FLT4: variants seen among roughly 807,000 people sequenced by gnomAD.
The protein encoded by FLT4 is vascular endothelial growth factor receptor 3.
A neutral mutation model predicts 163.2 loss-of-function variants in FLT4; 30 were observed. The observed-to-expected ratio is 0.18, with a 90% CI of 0.14 to 0.25. The LOEUF is 0.25. Ranked by LOEUF, FLT4 falls within the 10% of genes least tolerant of loss-of-function variation. FLT4 has a pLI of 1.00. For missense variants in FLT4, 1,510 were observed against 1,863.8 expected (o/e 0.81, Z 3.50); for synonymous variants, 884 against 789.5 (o/e 1.12, Z -2.01).
At position 180,626,216 on chromosome 5, in the gene FLT4, C is replaced by A. The variant is rs763552899; in HGVS notation, c.1153G>T (p.Val385Leu). The change falls in exon 9 of 30, where the codon GTG becomes TTG. Residue 385 changes from valine (V) to leucine (L), a missense_variant. Physicochemically the swap from Val to Leu is conservative, Grantham distance 32. Coordinates refer to ENST00000261937, the MANE Select transcript of FLT4 (RefSeq NM_182925.5). Reference protein sequence around the residue: ...LSGRHSPHALVLKEVTEASTG... With the variant: ...LSGRHSPHALLLKEVTEASTG... ...CTGGCCTCTGTCACCTCCTTGAGCA[C>A]CAGGGCATGTGGACTGTGGCGCCCG... The A allele has an allele frequency of 6.2e-7, 1 of 1,612,842 alleles. No individual in the cohort carries two copies. The highest frequency in any genetic ancestry group is 8.5e-7 in the Non-Finnish European group (1 of 1,180,012).
chr5:180,619,185 C>T (rs1762916608), intron 19 of FLT4, 68 bp downstream of exon 19: 20 of 1,301,526 alleles, frequency 1.5e-5, no homozygotes, highest in Non-Finnish European at 1.7e-5. Flanking sequence ...TTTGCACCCG[C>T]GCCCCCTCCC....
rs1289248501 is a variant in FLT4 at position 180,621,405 on chromosome 5, C to T, written c.2020+137G>A. On this transcript the variant is annotated intron_variant, in intron 13 of 29. Transcript: ENST00000261937. The stretch of plus-strand genomic sequence containing the variant: ...CGCGGCGCGCCTCCGCAGGGGGCGG[C>T]GGATAGTCAGGAGGGGTAGCTCCTG... The T allele has an allele frequency of 1.0e-5, 15 of 1,431,832 alleles. No homozygotes were observed. The South Asian group carries it at 1.1e-4, about 10-fold the overall frequency. 88.7% of individuals were successfully genotyped at this position (1,431,832 alleles called of 1,614,324 possible). A position where few individuals can be genotyped will look rare whatever the true frequency, so the allele number is the denominator to read the frequency against.
Position 180,602,522 on chromosome 5 carries a change from G to T in FLT4, c.*670C>A. ...AAGTTCTGTTGAAAAAGACTTGCAG[G>T]ATGGCTCTCAACACCCAGGCGCAGG... is the stretch of plus-strand genomic sequence containing the variant. On this transcript the variant is annotated 3_prime_UTR_variant, in exon 30 of 30. Coordinates refer to ENST00000261937, the MANE Select transcript of FLT4 (RefSeq NM_182925.5). The T allele has an allele frequency of 5.0e-6, 2 of 399,164 alleles. No homozygotes were observed. The highest frequency in any genetic ancestry group is 7.1e-5 in the East Asian group (2 of 28,072). 24.7% of individuals were successfully genotyped at this position (399,164 alleles called of 1,614,324 possible).
At chr5:180,619,163 G>GCGCGCTCCGCGTTTGCACC (rs1762915091) in intron 19 of FLT4, 54 bp from the exon 20 acceptor site, 2 of 1,305,770 alleles carry the variant, frequency 1.5e-6, no homozygotes, top group Non-Finnish European at 2.0e-6. Context: ...CGCGCTGCGG[G>GCGCGCTCCGCGTTTGCACC]CGCGCTCCGC....
At chr5:180,622,884 C>T (rs771489353) in intron 11 of FLT4, 45 bp from the exon 12 acceptor site, 1 of 1,342,370 alleles carries the variant, frequency 7.4e-7, no homozygotes, top group South Asian at 1.2e-5. Flanking sequence ...CCCAAGTTCT[C>T]CCAACCTGGG....
At position 180,620,685 on chromosome 5, in the gene FLT4, A is replaced by C. The variant is rs147312865; in HGVS notation, c.2330T>G (p.Val777Gly). 1 of 1,613,612 alleles carries C rather than the reference A, an allele frequency of 6.2e-7. No individual in the cohort carries two copies. The highest frequency in any genetic ancestry group is 8.5e-7 in the Non-Finnish European group (1 of 1,179,984). Residue 777 changes from valine (V) to glycine (G), a missense_variant, in exon 16 of 30, where the codon GTG becomes GGG. Transcript: ENST00000261937. This position sits in a 1 kb window ranked among gnomAD's most constrained non-coding sequence, Gnocchi z 4.4. ...GATGACGCCGGTACCGACAAGGATC[A>C]CGATCTCCATGCTGCCCTTATCCTC... is the stretch of plus-strand genomic sequence containing the variant. ...GSEDKGSMEIVILVGTGVIAV... is the reference protein window; with the variant it reads ...GSEDKGSMEIGILVGTGVIAV...
rs775792213 is a variant in FLT4 at position 180,621,654 on chromosome 5, G to A, written c.1908C>T (p.Leu636=). The change falls in exon 13 of 30, where the codon CTC becomes CTT. Residue 636 remains leucine (L), a synonymous_variant. Transcript: ENST00000261937. ...GCGCGACGCGGGGGATACTCAGGCT[G>A]AGCGTGGCGTGGCGCGCCCCAGGTG... is the stretch of plus-strand genomic sequence containing the variant. The part of the protein sequence containing the change: ...EVAPGARHAT[L]SLSIPRVAPE... 4.4e-6 allele frequency: 7 copies of A among 1,608,994 alleles called. No homozygotes were observed. In the Admixed American group the frequency reaches 1.2e-4, roughly 27 times the overall value.
chr5:180,628,815 T>A, intron 8 of FLT4, 67 bp downstream of exon 8: 2 of 1,127,504 alleles, frequency 1.8e-6, no homozygotes, highest in Non-Finnish European at 2.7e-6. Context: ...CGTCTTCCCC[T>A]ATGGTCTGTT....
At chr5:180,606,369 A>G (rs887082178) in intron 29 of FLT4, among the ~76,000 whole-genome samples, 1 of 152,100 alleles carries the variant, frequency 6.6e-6, no homozygotes, top group African/African-American at 2.4e-5. Flanking sequence ...TCGCAGCCCC[A>G]TCTCCTCCGT....
Position 180,611,413 on chromosome 5 carries a change from C to A in FLT4, c.3604G>T (p.Val1202Leu). 6.2e-7 allele frequency: 1 copy of A among 1,614,044 alleles called. No individual in the cohort carries two copies. Among genetic ancestry groups the A allele is most frequent in the Non-Finnish European group, 8.5e-7 (1 of 1,179,988 alleles). Residue 1202 changes from valine (V) to leucine (L), a missense_variant, in exon 27 of 30, where the codon GTG becomes TTG. Around this residue, in one of 5 missense-constraint regions of FLT4, gnomAD observed 295 missense variants for 311.0 expected, o/e 0.95. Coordinates refer to ENST00000261937, the MANE Select transcript of FLT4 (RefSeq NM_182925.5). Reference sequence around the variant, plus strand: ...GCGATGTGTAGGGCCATGGTGGACACCTGCGAGAAGCTGCCCTCTTCTGAG... The same window carrying A: ...GCGATGTGTAGGGCCATGGTGGACAACTGCGAGAAGCTGCCCTCTTCTGAG... ...QSSEEGSFSQ[V>L]STMALHIAQA... is the part of the protein sequence containing the mutation.
At position 180,602,257 on chromosome 5, in the gene FLT4, G is replaced by C; in HGVS notation, c.*935C>G. 1 of 246,320 alleles carries C rather than the reference G, an allele frequency of 4.1e-6. No individual in the cohort carries two copies. The highest frequency in any genetic ancestry group is 5.9e-5 in the East Asian group (1 of 17,012). 15.3% of individuals were successfully genotyped at this position (246,320 alleles called of 1,614,324 possible). A position where few individuals can be genotyped will look rare whatever the true frequency, so the allele number is the denominator to read the frequency against. ...ATGAGCTGGTTCACGGCTTGGGAGGGGCCGCAGGTGGCAGATCCGGGCTCT... is the reference window on the plus strand; with the variant it reads ...ATGAGCTGGTTCACGGCTTGGGAGGCGCCGCAGGTGGCAGATCCGGGCTCT... On this transcript the variant is annotated 3_prime_UTR_variant, in exon 30 of 30. Coordinates refer to ENST00000261937, the MANE Select transcript of FLT4 (RefSeq NM_182925.5).
Position 180,616,999 on chromosome 5 carries a change from A to C in FLT4, c.3002-5T>G. 1 of 1,611,688 alleles carries C rather than the reference A, an allele frequency of 6.2e-7. No individual in the cohort carries two copies. The highest frequency in any genetic ancestry group is 8.5e-7 in the Non-Finnish European group (1 of 1,178,744). On this transcript the variant is annotated splice_polypyrimidine_tract_variant and splice_region_variant and intron_variant, in intron 21 of 29. Coordinates refer to ENST00000261937, the MANE Select transcript of FLT4 (RefSeq NM_182925.5). ...GGCTCAGCCACAGGTCCTCAGCTAC[A>C]CAGTGGAGCCAGGTGGGCTCAGGAG...
chr5:180,619,330 G>A lies in FLT4; in HGVS notation c.2684C>T (p.Ser895Leu). 4 of 1,611,286 alleles carry A rather than the reference G, an allele frequency of 2.5e-6. No homozygotes were observed. The highest frequency in any genetic ancestry group is 3.4e-6 in the Non-Finnish European group (4 of 1,179,498). The change falls in exon 19 of 30, where the codon TCG (serine) becomes TTG (leucine). Residue 895 changes from serine (S) to leucine (L), a missense_variant. Around this residue, in one of 5 missense-constraint regions of FLT4, gnomAD observed 878 missense variants for 1,016.7 expected, o/e 0.86. Coordinates refer to ENST00000261937, the MANE Select transcript of FLT4 (RefSeq NM_182925.5). Reference protein sequence around the residue: ...ATASEHRALMSELKILIHIGN... With the variant: ...ATASEHRALMLELKILIHIGN... ...GATGTGAATGAGGATCTTGAGCTCC[G>A]ACATCAGCGCGCGGTGCTCGCTGGC... is the stretch of plus-strand genomic sequence containing the variant.
intron 1 of FLT4, among the ~76,000 whole-genome samples, chr5:180,632,876 C>T (rs554502458): frequency 3.9e-5 from 6 of 152,200 alleles, no homozygotes; most frequent in East Asian, 1.9e-4. Context: ...TGCATCCTGC[C>T]GGGGCCATCC....
At chr5:180,637,575 C>T (rs1023219722) in intron 1 of FLT4, among the ~76,000 whole-genome samples, 1 of 152,176 alleles carries the variant, frequency 6.6e-6, no homozygotes, top group African/African-American at 2.4e-5. Flanking sequence ...GCTCGTCGCC[C>T]AGGCTGCAGT....
intron 2 of FLT4, 127 bp downstream of exon 2, chr5:180,631,555 C>G: frequency 4.0e-6 from 3 of 755,406 alleles, no homozygotes; most frequent in South Asian, 1.4e-5. Flanking sequence ...GGAGACCACA[C>G]GGCCCCGAGG....
At chr5:180,622,654 C>T (rs536973586) in intron 12 of FLT4, 77 bp downstream of exon 12, 2 of 874,208 alleles carry the variant, frequency 2.3e-6, no homozygotes, top group South Asian at 1.4e-5. Context: ...CCCAAAGACC[C>T]CAGAAACTCA....
intron 29 of FLT4, chr5:180,607,832 G>C: frequency 2.0e-6 from 1 of 492,280 alleles, no homozygotes. Context: ...GTGGGCACAG[G>C]GTCAGGTGCT....
At chr5:180,639,322 G>C (rs192085230) in intron 1 of FLT4, among the ~76,000 whole-genome samples, 1 of 102,782 alleles carries the variant, frequency 9.7e-6, no homozygotes, top group African/African-American at 3.2e-5. Context: ...AGGATGGATG[G>C]GTGGATGGAT....
Sources: gnomAD v4.1 joint callset for allele counts (sites outside exome capture counted in the v4.1 genomes callset) on GRCh38, gnomAD v4.1.1 for gene constraint, gnomAD v4.1.1 regional missense constraint, Gnocchi (gnomAD v3.1) non-coding constraint, MANE v1.5 for transcripts, NCBI Gene and HGNC (gene_info 2026-07-23, HGNC 2026-07-21) for gene names.